Variants in DYNC2H1 observed in about 807,000 individuals in gnomAD.
DYNC2H1 encodes the protein dynein cytoplasmic 2 heavy chain 1.
A neutral mutation model predicts 570.0 loss-of-function variants in DYNC2H1; 410 were observed. The ratio of observed to expected loss-of-function variants is 0.72; its 90% CI spans 0.66 to 0.78. The LOEUF is 0.78. Among genes scored for constraint, DYNC2H1 ranks in the 30% least tolerant of loss-of-function variants. The pLI is 0.00. For synonymous variants in DYNC2H1, 1,688 were observed against 1,677.6 expected, an observed-to-expected ratio of 1.01 and a Z score of -0.15; for missense variants, 4,865 against 5,046.4, an observed-to-expected ratio of 0.96 and a Z score of 1.09.
chr11:103,296,905 T>G, intron 75 of DYNC2H1, among the ~76,000 whole-genome samples: 1 of 152,144 alleles, frequency 6.6e-6, no homozygotes, highest in East Asian at 1.9e-4. Context: ...TTATGTTTCT[T>G]TTTTCATTCC....
chr11:103,378,510 A>G (rs1405131600), intron 83 of DYNC2H1, among the ~76,000 whole-genome samples: 1 of 152,192 alleles, frequency 6.6e-6, no homozygotes, highest in Non-Finnish European at 1.5e-5. Flanking sequence ...TGTGATGGCT[A>G]GGACTGCTTA....
intron 55 of DYNC2H1, among the ~76,000 whole-genome samples, chr11:103,219,483 G>T (rs931588010): frequency 2.0e-5 from 3 of 151,962 alleles, no homozygotes; most frequent in African/African-American, 7.2e-5. Flanking sequence ...ATGGTGGTGG[G>T]CACCTGTAAT....
chr11:103,388,890 C>G (rs1942009921), intron 83 of DYNC2H1, among the ~76,000 whole-genome samples: 1 of 152,158 alleles, frequency 6.6e-6, no homozygotes. Context: ...TGATGTGCTG[C>G]TGGATTTGGT....
chr11:103,458,884 C>A (rs1944891898), intron 87 of DYNC2H1, among the ~76,000 whole-genome samples: 1 of 152,102 alleles, frequency 6.6e-6, no homozygotes, highest in South Asian at 2.1e-4. Context: ...AAACTTCAAG[C>A]TGGTCTCAAA....
In DYNC2H1 at chr11:103,193,378, A is replaced by G. The variant is rs144088868; in HGVS notation, c.7708+1114A>G. Among the ~76,000 whole-genome samples, 22 of 152,262 alleles carry G rather than the reference A, an allele frequency of 1.4e-4. No individual in the cohort carries two copies. In the East Asian group the frequency reaches 3.5e-3, roughly 24 times the overall value. ...TGTCTCTTTTTGCAAAGAGTGGCAT[A>G]TCCTTTGGGCATAAGACAGTATTGG... On this transcript the variant is annotated intron_variant, in intron 47 of 88. Transcript: ENST00000375735.
chr11:103,186,782 TTA>T lies in DYNC2H1; in HGVS notation c.6893+288_6893+289del, dbSNP rs1302172316. ...CAGCAAAAAAAAAAAAAAGAATGCC[TTA>T]TATATACTCACACACCATTTGCTTT... On this transcript the variant is annotated intron_variant, in intron 42 of 88. Coordinates refer to ENST00000375735, the MANE Select transcript of DYNC2H1 (RefSeq NM_001377.3). The surrounding 1 kb of genome is among the most constrained non-coding windows in gnomAD (Gnocchi z 4.5). Among the ~76,000 whole-genome samples the T allele has an allele frequency of 6.6e-6, 1 of 151,010 alleles. No homozygotes were observed. The highest frequency in any genetic ancestry group is 1.5e-5 in the Non-Finnish European group (1 of 67,734).
At position 103,257,606 on chromosome 11, in the gene DYNC2H1, A is replaced by C. The variant is rs1313315549; in HGVS notation, c.10462-2A>C. The C allele has an allele frequency of 6.2e-7, 1 of 1,608,390 alleles. No individual in the cohort carries two copies. The highest frequency in any genetic ancestry group is 1.3e-5 in the African/African-American group (1 of 74,740). ...ATCCCCTACTGATCTCTTGATCCAT[A>C]GGAACGGGATGCCTATCTCCCCCTG... is the stretch of plus-strand genomic sequence containing the variant. On this transcript the variant is annotated splice_acceptor_variant, in intron 68 of 88. Coordinates refer to ENST00000375735, the MANE Select transcript of DYNC2H1 (RefSeq NM_001377.3). LOFTEE classifies it high-confidence loss of function.
At chr11:103,130,101 G>A (rs956781514) in intron 13 of DYNC2H1, among the ~76,000 whole-genome samples, 2 of 152,152 alleles carry the variant, frequency 1.3e-5, no homozygotes, top group African/African-American at 2.4e-5. Context: ...ATTTTTTGCA[G>A]CAACAAATTG....
intron 84 of DYNC2H1, chr11:103,405,078 G>C (rs1196514168): frequency 6.6e-6 from 1 of 151,266 alleles, no homozygotes; most frequent in Non-Finnish European, 1.5e-5. Context: ...ATAATATGTT[G>C]CGATATGGGA....
At chr11:103,345,000 ATT>A (rs11301114) in intron 82 of DYNC2H1, among the ~76,000 whole-genome samples, 1 of 151,976 alleles carries the variant, frequency 6.6e-6, no homozygotes, top group Non-Finnish European at 1.5e-5. Context: ...GGTTTTACAT[ATT>A]TTTTAGTAGT....
At chr11:103,442,586 A>G (rs1477545886) in intron 85 of DYNC2H1, among the ~76,000 whole-genome samples, 2 of 152,140 alleles carry the variant, frequency 1.3e-5, no homozygotes, top group Non-Finnish European at 2.9e-5. Context: ...GTCTACAATG[A>G]TATGCAGTTT....
At chr11:103,455,400 AT>A in intron 86 of DYNC2H1, 105 bp downstream of exon 86, 1 of 838,430 alleles carries the variant, frequency 1.2e-6, no homozygotes, top group Non-Finnish European at 1.9e-6. Context: ...TAAATTTATT[AT>A]TGAAACACAG....
intron 54 of DYNC2H1, among the ~76,000 whole-genome samples, chr11:103,213,564 A>T (rs987526378): frequency 6.6e-6 from 1 of 151,736 alleles, no homozygotes; most frequent in Admixed American, 6.6e-5. Flanking sequence ...ATGTGTAATG[A>T]TCAAAGGGTG....
intron 84 of DYNC2H1, chr11:103,407,116 T>A (rs1276907211): frequency 6.6e-6 from 1 of 151,704 alleles, no homozygotes; most frequent in Non-Finnish European, 1.5e-5. Flanking sequence ...TAATTAAGAT[T>A]GGAGTAAGAG....
At position 103,133,311 on chromosome 11, in the gene DYNC2H1, C is replaced by T. The variant is rs773707733; in HGVS notation, c.1954-244C>T. ...GTCTGCCTTCTTCATTCTTCCTTTCCGTCACCTTATGCTTGTTTGTTGTGT... is the reference window on the plus strand; with the variant it reads ...GTCTGCCTTCTTCATTCTTCCTTTCTGTCACCTTATGCTTGTTTGTTGTGT... On this transcript the variant is annotated intron_variant, in intron 13 of 88. Coordinates refer to ENST00000375735, the MANE Select transcript of DYNC2H1 (RefSeq NM_001377.3). This position sits in a 1 kb window ranked among gnomAD's most constrained non-coding sequence, Gnocchi z 4.8. Among the ~76,000 whole-genome samples, 19 of 152,012 alleles carry T rather than the reference C, an allele frequency of 1.2e-4. No homozygotes were observed. Among genetic ancestry groups the T allele is most frequent in the African/African-American group, 2.7e-4 (11 of 41,396 alleles).
chr11:103,242,335 A>G (rs552208941), intron 63 of DYNC2H1, among the ~76,000 whole-genome samples: 5 of 152,304 alleles, frequency 3.3e-5, no homozygotes, highest in African/African-American at 1.2e-4. Flanking sequence ...TACTGTAATA[A>G]AAGTTAAGTG....
At chr11:103,471,825 C>T (rs956349208) in intron 88 of DYNC2H1, among the ~76,000 whole-genome samples, 1 of 152,098 alleles carries the variant, frequency 6.6e-6, no homozygotes, top group Non-Finnish European at 1.5e-5. Flanking sequence ...AGTTCGGAAT[C>T]ATTAGTGCAA....
chr11:103,230,429 G>T (rs1206869161), intron 59 of DYNC2H1, among the ~76,000 whole-genome samples: 1 of 152,112 alleles, frequency 6.6e-6, no homozygotes, highest in Non-Finnish European at 1.5e-5. Context: ...TACTGTAAAA[G>T]AATCTTTTTA....
At chr11:103,453,205 A>G (rs1245935008) in intron 85 of DYNC2H1, among the ~76,000 whole-genome samples, 3 of 152,106 alleles carry the variant, frequency 2.0e-5, no homozygotes, top group Admixed American at 1.3e-4. Context: ...GGCATAGCCC[A>G]TAACTTAGAG....
Sources: allele counts gnomAD v4.1 joint callset (sites outside exome capture counted in the v4.1 genomes callset), GRCh38; gene constraint gnomAD v4.1.1; non-coding constraint Gnocchi (gnomAD v3.1); transcripts MANE v1.5; gene names NCBI Gene and HGNC (gene_info 2026-07-23, HGNC 2026-07-21).